ROR2: variants seen among roughly 807,000 people sequenced by gnomAD.
ROR2 encodes tyrosine-protein kinase transmembrane receptor ROR2.
A neutral mutation model predicts 74.9 loss-of-function variants in ROR2; 33 were observed. The ratio of observed to expected loss-of-function variants is 0.44; its 90% CI spans 0.33 to 0.59. ROR2 has a LOEUF of 0.59. Ranked by LOEUF, ROR2 falls within the 20% of genes least tolerant of loss-of-function variation. The pLI is 0.02. For missense variants in ROR2, 1,216 were observed against 1,313.8 expected (o/e 0.93, Z 1.15); for synonymous variants, 586 against 558.7 (o/e 1.05, Z -0.69).
chr9:91,846,320 CT>C (rs1164869782), intron 1 of ROR2, among the ~76,000 whole-genome samples: 4 of 152,170 alleles, frequency 2.6e-5, no homozygotes, highest in Admixed American at 1.3e-4. Flanking sequence ...CAAAAGGGAG[CT>C]TCCAATTCAA....
chr9:91,881,654 A>T (rs1381364764), intron 1 of ROR2, among the ~76,000 whole-genome samples: 1 of 152,142 alleles, frequency 6.6e-6, no homozygotes, highest in Non-Finnish European at 1.5e-5. Context: ...ACTGACATAC[A>T]TGTATTAATT....
intron 1 of ROR2, among the ~76,000 whole-genome samples, chr9:91,784,338 G>A (rs1001709013): frequency 3.3e-5 from 5 of 152,112 alleles, no homozygotes; most frequent in Non-Finnish European, 7.4e-5. Context: ...AGCACCCCCT[G>A]GCCCCCACCT....
chr9:91,933,276 A>G (rs927449275), intron 1 of ROR2, among the ~76,000 whole-genome samples: 4 of 152,244 alleles, frequency 2.6e-5, no homozygotes, highest in Non-Finnish European at 5.9e-5. Flanking sequence ...AGATTGCGCC[A>G]CTGCACTCCA....
At chr9:91,805,272 C>T (rs2119074304) in intron 1 of ROR2, among the ~76,000 whole-genome samples, 1 of 152,364 alleles carries the variant, frequency 6.6e-6, no homozygotes, top group Non-Finnish European at 1.5e-5. Context: ...CACTCCAAGA[C>T]ACGGAGTTAG....
intron 4 of ROR2, among the ~76,000 whole-genome samples, chr9:91,740,254 T>C (rs1825174608): frequency 1.3e-5 from 2 of 152,104 alleles, no homozygotes; most frequent in Middle Eastern, 3.4e-3. Flanking sequence ...TCAATCTGAA[T>C]AGACAATATC....
At chr9:91,921,217 G>C (rs2119443358) in intron 1 of ROR2, among the ~76,000 whole-genome samples, 1 of 152,356 alleles carries the variant, frequency 6.6e-6, no homozygotes, top group South Asian at 2.1e-4. Flanking sequence ...AGGAAAAAAT[G>C]AATCAAGACC....
intron 1 of ROR2, among the ~76,000 whole-genome samples, chr9:91,931,788 A>G (rs1405594025): frequency 6.6e-6 from 1 of 152,190 alleles, no homozygotes; most frequent in Non-Finnish European, 1.5e-5. Context: ...TACTAAAAAC[A>G]TCATGCAACA....
Position 91,947,445 on chromosome 9 carries a change from T to C in ROR2, c.97+2422A>G, listed in dbSNP as rs75627710. On this transcript the variant is annotated intron_variant, in intron 1 of 8. Transcript: ENST00000375708. Reference sequence around the variant, plus strand: ...ACACAGCCGTAATAAGAAAAATATGTTGCCTTACTATATACATAAAAACTT... The same window carrying C: ...ACACAGCCGTAATAAGAAAAATATGCTGCCTTACTATATACATAAAAACTT... Among the ~76,000 whole-genome samples, 407 of 152,382 alleles carry C rather than the reference T, an allele frequency of 2.7e-3. 3 individuals carry two copies. Among genetic ancestry groups the C allele is most frequent in the African/African-American group, 9.3e-3 (386 of 41,598 alleles).
At chr9:91,835,794 C>T (rs1199347062) in intron 1 of ROR2, among the ~76,000 whole-genome samples, 6 of 152,216 alleles carry the variant, frequency 3.9e-5, no homozygotes, top group African/African-American at 1.2e-4. Flanking sequence ...GGCCAAGCCA[C>T]CTGCCAGCCT....
rs1836862721 is a variant in ROR2 at position 91,723,343 on chromosome 9, T to A, written c.*319A>T. 2.9e-6 allele frequency: 1 copy of A among 349,638 alleles called. No homozygotes were observed. Among genetic ancestry groups the A allele is most frequent in the Admixed American group, 4.4e-5 (1 of 22,902 alleles). The allele number at this position is 349,638 out of a possible 1,614,324, so 21.7% of individuals were successfully genotyped here. A position where few individuals can be genotyped will look rare whatever the true frequency, so the allele number is the denominator to read the frequency against. On this transcript the variant is annotated 3_prime_UTR_variant, in exon 9 of 9. Transcript: ENST00000375708. ...TGACATGGAGTGAAGCTGCCACCTA[T>A]TTTCTTGAAAGGCATTTGCTGCTCA...
At chr9:91,843,909 C>T (rs914777491) in intron 1 of ROR2, among the ~76,000 whole-genome samples, 4 of 152,280 alleles carry the variant, frequency 2.6e-5, no homozygotes, top group Non-Finnish European at 5.9e-5. Context: ...CCAGCTGCTC[C>T]CAACCCTGGG....
chr9:91,755,619 C>G (rs1219666192), intron 4 of ROR2, among the ~76,000 whole-genome samples: 1 of 152,256 alleles, frequency 6.6e-6, no homozygotes, highest in Non-Finnish European at 1.5e-5. Context: ...CCTCGGTCTC[C>G]TCATCTGCAA....
intron 1 of ROR2, among the ~76,000 whole-genome samples, chr9:91,800,904 C>T (rs1484445195): frequency 6.6e-6 from 1 of 152,182 alleles, no homozygotes; most frequent in Admixed American, 6.5e-5. Flanking sequence ...AAGTCTGACA[C>T]CATGTAAAAA....
chr9:91,906,539 T>C (rs1182502812), intron 1 of ROR2, among the ~76,000 whole-genome samples: 2 of 152,168 alleles, frequency 1.3e-5, no homozygotes, highest in Non-Finnish European at 2.9e-5. Flanking sequence ...CTCAATTCTC[T>C]GACCTTCCAA....
intron 1 of ROR2, among the ~76,000 whole-genome samples, chr9:91,835,156 C>T (rs1383501245): frequency 6.6e-6 from 1 of 152,162 alleles, no homozygotes; most frequent in Non-Finnish European, 1.5e-5. Flanking sequence ...TTGTTGGAAG[C>T]CTCTCTCCAC....
At chr9:91,893,644 C>T (rs1045485765) in intron 1 of ROR2, among the ~76,000 whole-genome samples, 6 of 152,106 alleles carry the variant, frequency 3.9e-5, no homozygotes, top group Non-Finnish European at 8.8e-5. Context: ...TCTCAGAGGG[C>T]CCAGACTAAT....
intron 1 of ROR2, among the ~76,000 whole-genome samples, chr9:91,896,934 G>A (rs1010300055): frequency 3.3e-5 from 5 of 152,110 alleles, no homozygotes; most frequent in East Asian, 3.9e-4. Context: ...CACCGCCCTC[G>A]GCTGCTCTCC....
At chr9:91,767,871 C>T (rs940948483) in intron 2 of ROR2, among the ~76,000 whole-genome samples, 2 of 152,166 alleles carry the variant, frequency 1.3e-5, no homozygotes, top group Non-Finnish European at 2.9e-5. Flanking sequence ...CCCGTGTCCC[C>T]CAGCCACTCA....
chr9:91,789,556 AG>A (rs1479414345), intron 1 of ROR2, among the ~76,000 whole-genome samples: 2 of 152,208 alleles, frequency 1.3e-5, no homozygotes, highest in African/African-American at 2.4e-5. Flanking sequence ...ATAGTTCAAA[AG>A]AGAGGGAAGG....
Sources: allele counts gnomAD v4.1 joint callset (sites outside exome capture counted in the v4.1 genomes callset), GRCh38; gene constraint gnomAD v4.1.1; transcripts MANE v1.5; gene names NCBI Gene and HGNC (gene_info 2026-07-23, HGNC 2026-07-21).